AGBL3: variants seen among roughly 807,000 people sequenced by gnomAD.
AGBL3 encodes AGBL carboxypeptidase 3, also known as cytosolic carboxypeptidase 3.
Under a neutral mutation model 94.5 loss-of-function variants are expected in AGBL3, and 68 were observed. That is an observed-to-expected ratio of 0.72 (90% confidence interval 0.59 to 0.88). The LOEUF (loss-of-function observed/expected upper bound fraction) is 0.88. Among genes scored for constraint, AGBL3 ranks in the 40% least tolerant of loss-of-function variants. The pLI is 0.00. For synonymous variants in AGBL3, 354 were observed against 370.7 expected, an observed-to-expected ratio of 0.95 and a Z score of 0.52; for missense variants, 934 against 1,103.8, an observed-to-expected ratio of 0.85 and a Z score of 2.18.
chr7:135,042,812 G>A (rs1405884006), intron 8 of AGBL3, among the ~76,000 whole-genome samples: 1 of 152,112 alleles, frequency 6.6e-6, no homozygotes, highest in Non-Finnish European at 1.5e-5. Context: ...TTGGGAGACT[G>A]AGGTAGGAAG....
chr7:135,067,131 G>C (rs1200713985), intron 12 of AGBL3, among the ~76,000 whole-genome samples: 2 of 152,168 alleles, frequency 1.3e-5, no homozygotes, highest in African/African-American at 4.8e-5. Flanking sequence ...ATGGAGCCTC[G>C]CTCATTGCTA....
chr7:135,052,051 A>T (rs1817923103), intron 11 of AGBL3, among the ~76,000 whole-genome samples: 1 of 152,146 alleles, frequency 6.6e-6, no homozygotes, highest in South Asian at 2.1e-4. Flanking sequence ...CATCAAAACC[A>T]TATAACAGGG....
chr7:135,122,556 C>G (rs928528962), intron 16 of AGBL3, among the ~76,000 whole-genome samples: 2 of 152,304 alleles, frequency 1.3e-5, no homozygotes, highest in Middle Eastern at 3.4e-3. Flanking sequence ...TTAAATGGGT[C>G]CTGTTCCCCC....
intron 3 of AGBL3, among the ~76,000 whole-genome samples, chr7:134,989,853 A>G (rs544842090): frequency 6.6e-6 from 1 of 151,310 alleles, no homozygotes; most frequent in East Asian, 1.9e-4. Context: ...GTCTTTTGCC[A>G]CCATCCTAAA....
chr7:135,019,168 T>C (rs1467977482), intron 5 of AGBL3, among the ~76,000 whole-genome samples: 1 of 152,238 alleles, frequency 6.6e-6, no homozygotes, highest in African/African-American at 2.4e-5. Flanking sequence ...CAGACTCTTT[T>C]ATATTGCCAA....
At chr7:135,101,629 T>C (rs1563266141) in intron 15 of AGBL3, among the ~76,000 whole-genome samples, 1 of 152,176 alleles carries the variant, frequency 6.6e-6, no homozygotes, top group South Asian at 2.1e-4. Flanking sequence ...GGTTTTCAGT[T>C]GAAAACCATC....
chr7:135,012,270 T>G (rs1387084660), intron 4 of AGBL3: 1 of 152,146 alleles, frequency 6.6e-6, no homozygotes, highest in Non-Finnish European at 1.5e-5. Context: ...ATATGAATGC[T>G]TAGGTGGTAA....
At chr7:135,110,276 A>C (rs1299859465) in intron 15 of AGBL3, among the ~76,000 whole-genome samples, 2 of 152,168 alleles carry the variant, frequency 1.3e-5, no homozygotes, top group East Asian at 1.9e-4. Flanking sequence ...CAGGATCTGC[A>C]GACGGTCACT....
At chr7:135,043,663 T>G (rs995468057) in intron 8 of AGBL3, among the ~76,000 whole-genome samples, 1 of 152,182 alleles carries the variant, frequency 6.6e-6, no homozygotes, top group Non-Finnish European at 1.5e-5. Flanking sequence ...TATTACATAC[T>G]GCATATCTCT....
intron 4 of AGBL3, among the ~76,000 whole-genome samples, chr7:135,003,835 A>C (rs1272204780): frequency 1.3e-5 from 2 of 151,398 alleles, no homozygotes; most frequent in African/African-American, 4.8e-5. Context: ...GAAAATTGCC[A>C]TACTTTGTTT....
At chr7:135,094,555 T>A (rs765107318) in intron 15 of AGBL3, 1 of 456,514 alleles carries the variant, frequency 2.2e-6, no homozygotes. Context: ...CAGGTTCTCA[T>A]AGAGCCAAGA....
At chr7:135,115,654 C>CT (rs771017532) in intron 16 of AGBL3, 43 bp downstream of exon 16, 1 of 1,397,234 alleles carries the variant, frequency 7.2e-7, no homozygotes, top group South Asian at 1.4e-5. Context: ...TTTAACACAT[C>CT]TTTTTTAAAA....
chr7:135,033,730 C>G (rs1816013726), intron 6 of AGBL3, among the ~76,000 whole-genome samples: 1 of 152,102 alleles, frequency 6.6e-6, no homozygotes, highest in Non-Finnish European at 1.5e-5. Context: ...GTTTAAATCT[C>G]TCAGTGATAG....
At chr7:135,007,535 A>G (rs374808901) in intron 4 of AGBL3, among the ~76,000 whole-genome samples, 3 of 152,018 alleles carry the variant, frequency 2.0e-5, no homozygotes, top group Non-Finnish European at 2.9e-5. Context: ...AAAGGCGTCT[A>G]TGGAAATCCC....
chr7:135,093,652 G>A (rs1453323995), intron 15 of AGBL3: 2 of 152,138 alleles, frequency 1.3e-5, no homozygotes, highest in Non-Finnish European at 2.9e-5. Context: ...TCATGGATCA[G>A]AAGATTTAAT....
chr7:135,089,039 CT>C (rs1821561310), intron 15 of AGBL3, among the ~76,000 whole-genome samples: 1 of 150,484 alleles, frequency 6.6e-6, no homozygotes, highest in African/African-American at 2.4e-5. Context: ...TCCCATATGT[CT>C]TGCAGGTTTT....
At chr7:135,023,969 T>C (rs930892122) in intron 5 of AGBL3, among the ~76,000 whole-genome samples, 1 of 152,188 alleles carries the variant, frequency 6.6e-6, no homozygotes, top group Admixed American at 6.5e-5. Context: ...TCCCAGGGCT[T>C]TGGCATGCAG....
chr7:135,120,574 G>A lies in AGBL3; in HGVS notation c.2342+4963G>A, dbSNP rs575033643. Among the ~76,000 whole-genome samples the A allele has an allele frequency of 1.3e-4, 20 of 152,202 alleles. No homozygotes were observed. The East Asian group carries it at 3.5e-3, about 26-fold the overall frequency. On this transcript the variant is annotated intron_variant, in intron 16 of 16. Transcript: ENST00000436302. Reference sequence around the variant, plus strand: ...AACAAAAGATAAACTTTTTTTAAATGGCAGATTTAAGTCCTAAGACATCAA... The same window carrying A: ...AACAAAAGATAAACTTTTTTTAAATAGCAGATTTAAGTCCTAAGACATCAA...
intron 16 of AGBL3, among the ~76,000 whole-genome samples, chr7:135,130,431 T>C (rs1347089283): frequency 3.3e-5 from 5 of 152,150 alleles, no homozygotes; most frequent in African/African-American, 1.2e-4. Context: ...CTATTCAACT[T>C]TCCTGGGTGT....
Sources: allele counts gnomAD v4.1 joint callset (sites outside exome capture counted in the v4.1 genomes callset), GRCh38; gene constraint gnomAD v4.1.1; transcripts MANE v1.5; gene names NCBI Gene and HGNC (gene_info 2026-07-23, HGNC 2026-07-21).